The following BRMS1L variants were observed in gnomAD, a reference collection of about 807,000 sequenced individuals.
BRMS1L encodes breast cancer metastasis-suppressor 1-like protein.
Under a neutral mutation model 50.3 loss-of-function variants are expected in BRMS1L, and 23 were observed. The observed-to-expected ratio is 0.46, with a 90% confidence interval of 0.33 to 0.65. The LOEUF (loss-of-function observed/expected upper bound fraction) is 0.65. Among genes scored for constraint, BRMS1L ranks in the 30% least tolerant of loss-of-function variants. The probability of loss-of-function intolerance (pLI) is 0.02; values close to 1 mark genes in which losing one functional copy is unlikely to be tolerated. For missense variants in BRMS1L, 286 were observed against 386.1 expected (o/e 0.74, Z 2.17); for synonymous variants, 114 against 126.9 (o/e 0.90, Z 0.69).
At chr14:35,869,463 A>C (rs1283469554) in intron 9 of BRMS1L, among the ~76,000 whole-genome samples, 1 of 151,928 alleles carries the variant, frequency 6.6e-6, no homozygotes. Flanking sequence ...TGAGCCTGAG[A>C]GGTTGAGCCC....
In BRMS1L at chr14:35,869,905, G is replaced by T. The variant is rs540493234; in HGVS notation, c.855-455G>T. On this transcript the variant is annotated intron_variant, in intron 9 of 9. Transcript: ENST00000216807. ...AGAATAAAATACAAATCTATTTAAA[G>T]AATAGATCTTTTTATGTAAAGATTA... Among the ~76,000 whole-genome samples, 10 of 152,022 alleles carry T rather than the reference G, an allele frequency of 6.6e-5. No homozygotes were observed. The East Asian group carries it at 1.3e-3, about 21-fold the overall frequency.
At chr14:35,863,068 G>A (rs565854412) in intron 5 of BRMS1L, among the ~76,000 whole-genome samples, 2 of 151,852 alleles carry the variant, frequency 1.3e-5, no homozygotes, top group South Asian at 2.1e-4. Flanking sequence ...CCATGATGGC[G>A]CCACTGCACT....
In BRMS1L at chr14:35,826,457, A is replaced by T; in HGVS notation, c.-60A>T. ...GGTTGGGGCGTTCCGCGCGCCCTTC[A>T]TTGAAGCGGCGGTGGCCGGGCTGGG... On this transcript the variant is annotated 5_prime_UTR_variant, in exon 1 of 10. Transcript: ENST00000216807. The T allele has an allele frequency of 6.5e-7, 1 of 1,549,768 alleles. No individual in the cohort carries two copies. Among genetic ancestry groups the T allele is most frequent in the Non-Finnish European group, 8.7e-7 (1 of 1,147,354 alleles).
intron 1 of BRMS1L, chr14:35,830,055 C>CCTTTTT (rs1318164176): frequency 5.8e-6 from 1 of 172,618 alleles, no homozygotes; most frequent in East Asian, 1.8e-4. Context: ...GATTAGTTTT[C>CCTTTTT]CTTTTTCTTT....
intron 3 of BRMS1L, among the ~76,000 whole-genome samples, chr14:35,834,386 C>T (rs748730908): frequency 2.0e-5 from 3 of 151,908 alleles, no homozygotes; most frequent in Admixed American, 6.6e-5. Context: ...ATTTACTCCT[C>T]GTGGATTCTT....
chr14:35,834,540 GAA>G (rs1196136164), intron 3 of BRMS1L, among the ~76,000 whole-genome samples: 4 of 152,074 alleles, frequency 2.6e-5, no homozygotes, highest in Non-Finnish European at 4.4e-5. Flanking sequence ...TTTTTCACAG[GAA>G]AAGAGTTTTA....
chr14:35,829,116 GT>G (rs1220062145), intron 1 of BRMS1L, among the ~76,000 whole-genome samples: 1 of 151,374 alleles, frequency 6.6e-6, no homozygotes, highest in Non-Finnish European at 1.5e-5. Context: ...TAATTTTTGT[GT>G]TTTTAGTAGA....
chr14:35,839,796 A>G (rs1394069001), intron 4 of BRMS1L, among the ~76,000 whole-genome samples: 4 of 152,242 alleles, frequency 2.6e-5, no homozygotes, highest in Admixed American at 6.5e-5. Context: ...TTATCTAAAT[A>G]TACAATCGTG....
chr14:35,861,704 G>A (rs992480055), intron 4 of BRMS1L, among the ~76,000 whole-genome samples: 1 of 152,198 alleles, frequency 6.6e-6, no homozygotes, highest in African/African-American at 2.4e-5. Context: ...TCAGACTCAA[G>A]AGAGAGGGCT....
chr14:35,828,944 C>CT (rs113694378), intron 1 of BRMS1L, among the ~76,000 whole-genome samples: 4,681 of 145,062 alleles, frequency 0.032, 104 homozygotes, highest in Admixed American at 0.065. Context: ...GAATATATTT[C>CT]TTTTTTTTTT....
Position 35,834,942 on chromosome 14 carries a change from A to T in BRMS1L, c.441+19A>T. The T allele has an allele frequency of 6.4e-7, 1 of 1,570,482 alleles. No individual in the cohort carries two copies. Among genetic ancestry groups the T allele is most frequent in the Non-Finnish European group, 8.6e-7 (1 of 1,158,226 alleles). ...TTGTGAGGTACTGTCATTTTGCATA[A>T]CTTTTAAGCTAATTTCATCTCTTCA... is the stretch of plus-strand genomic sequence containing the variant. On this transcript the variant is annotated intron_variant, in intron 4 of 9. Coordinates refer to ENST00000216807, the MANE Select transcript of BRMS1L (RefSeq NM_032352.4).
rs1204936640 is a variant in BRMS1L at position 35,867,711 on chromosome 14, A to T, written c.728-195A>T. 8.3e-5 allele frequency: 30 copies of T among 359,556 alleles called. No homozygotes were observed. The East Asian group carries it at 1.3e-3, about 15-fold the overall frequency. The allele number at this position is 359,556 out of a possible 1,614,324, so 22.3% of individuals were successfully genotyped here. A position where few individuals can be genotyped will look rare whatever the true frequency, so the allele number is the denominator to read the frequency against. The stretch of plus-strand genomic sequence containing the variant: ...CATTGTTTAGCTTTGTTTAGTAGTT[A>T]TATTAAAAACTTAGTGATTATGTAA... On this transcript the variant is annotated intron_variant, in intron 8 of 9. Transcript: ENST00000216807.
chr14:35,859,489 T>A (rs1464922047), intron 4 of BRMS1L, among the ~76,000 whole-genome samples: 1 of 152,222 alleles, frequency 6.6e-6, no homozygotes, highest in African/African-American at 2.4e-5. Context: ...TGATTCCTGA[T>A]CCTTTGTACA....
At position 35,831,519 on chromosome 14, in the gene BRMS1L, A is replaced by G. The variant is rs2077918483; in HGVS notation, c.233+19A>G. On this transcript the variant is annotated intron_variant, in intron 2 of 9. Transcript: ENST00000216807. Reference sequence around the variant, plus strand: ...AAGATCAGTAAGTAGTGACTTTAGAAGGCCATTGTCACTGAATCTCAACCT... The same window carrying G: ...AAGATCAGTAAGTAGTGACTTTAGAGGGCCATTGTCACTGAATCTCAACCT... The G allele has an allele frequency of 6.4e-7, 1 of 1,572,460 alleles. No homozygotes were observed. Among genetic ancestry groups the G allele is most frequent in the African/African-American group, 1.4e-5 (1 of 74,026 alleles).
rs1441364754 is a variant in BRMS1L, at chr14:35,826,484, G to C, written c.-33G>C. 6.4e-7 allele frequency: 1 copy of C among 1,558,548 alleles called. No homozygotes were observed. The highest frequency in any genetic ancestry group is 1.9e-5 in the Admixed American group (1 of 51,628). ...TGAAGCGGCGGTGGCCGGGCTGGGCGCCGGTAGTGGAAAGCGACGGCGCGG... is the reference window on the plus strand; with the variant it reads ...TGAAGCGGCGGTGGCCGGGCTGGGCCCCGGTAGTGGAAAGCGACGGCGCGG... On this transcript the variant is annotated 5_prime_UTR_variant, in exon 1 of 10. Transcript: ENST00000216807.
chr14:35,856,862 C>T (rs998890859), intron 4 of BRMS1L, among the ~76,000 whole-genome samples: 1 of 152,114 alleles, frequency 6.6e-6, no homozygotes, highest in South Asian at 2.1e-4. Context: ...GATCCTACCG[C>T]CCCAGCCTGG....
At chr14:35,862,471 G>T in intron 4 of BRMS1L, 119 bp from the exon 5 acceptor site, 4 of 415,474 alleles carry the variant, frequency 9.6e-6, no homozygotes, top group South Asian at 1.4e-4. Flanking sequence ...ATTTTTAATT[G>T]AATTGAAAAA....
intron 4 of BRMS1L, among the ~76,000 whole-genome samples, chr14:35,852,783 C>G (rs760407999): frequency 2.6e-5 from 4 of 151,928 alleles, no homozygotes; most frequent in Non-Finnish European, 5.9e-5. Context: ...TACAAAAAAT[C>G]AGCCGGGCGC....
At position 35,826,550 on chromosome 14, in the gene BRMS1L, A is replaced by C. The variant is rs769014595; in HGVS notation, c.34A>C (p.Thr12Pro). ...CCATTCCCGAGGGGATAAGAAGGAG[A>C]CCAACCATCACGATGAGATGGAGGT... ...PVHSRGDKKETNHHDEMEVDY... is the reference protein window; with the variant it reads ...PVHSRGDKKEPNHHDEMEVDY... Residue 12 changes from threonine (T) to proline (P), a missense_variant, in exon 1 of 10, where the codon ACC (threonine) becomes CCC (proline). By Grantham distance (38) the Thr-to-Pro change is conservative. This residue lies in a region of BRMS1L where 66 missense variants were observed against 67.8 expected (regional missense o/e 0.97). Transcript: ENST00000216807. 5.0e-6 allele frequency: 8 copies of C among 1,602,126 alleles called. No homozygotes were observed. In the South Asian group the frequency reaches 6.8e-5, roughly 14 times the overall value.
Sources: allele counts gnomAD v4.1 joint callset (sites outside exome capture counted in the v4.1 genomes callset), GRCh38; gene constraint gnomAD v4.1.1; regional missense constraint gnomAD v4.1.1; transcripts MANE v1.5; gene names NCBI Gene and HGNC (gene_info 2026-07-23, HGNC 2026-07-21).